The following ZCCHC14 variants were observed in gnomAD, a reference collection of about 807,000 sequenced individuals.
ZCCHC14 encodes the protein zinc finger CCHC-type containing 14, also known as zinc finger CCHC domain-containing protein 14.
ZCCHC14 carries 16 observed loss-of-function variants against 85.0 expected under a neutral mutation model. The observed-to-expected ratio is 0.19, with a 90% CI of 0.13 to 0.29. ZCCHC14 has a LOEUF of 0.29. Among genes scored for constraint, ZCCHC14 ranks in the 10% least tolerant of loss-of-function variants. The pLI is 1.00. For missense variants in ZCCHC14, 1,303 were observed against 1,443.5 expected (o/e 0.90, Z 1.58); for synonymous variants, 775 against 630.7 (o/e 1.23, Z -3.43).
chr16:87,416,275 G>A (rs999496330), intron 8 of ZCCHC14, among the ~76,000 whole-genome samples: 9 of 152,198 alleles, frequency 5.9e-5, no homozygotes, highest in African/African-American at 1.9e-4. Flanking sequence ...AAAAGCAGAT[G>A]CCATCCACGC....
intron 1 of ZCCHC14, among the ~76,000 whole-genome samples, chr16:87,487,101 T>C (rs1912544185): frequency 6.6e-6 from 1 of 152,242 alleles, no homozygotes; most frequent in South Asian, 2.1e-4. Flanking sequence ...AAGCTGTTGC[T>C]GATCTTTGGA....
chr16:87,433,696 T>C (rs1381274161), intron 2 of ZCCHC14, among the ~76,000 whole-genome samples: 2 of 152,050 alleles, frequency 1.3e-5, no homozygotes, highest in African/African-American at 4.8e-5. Flanking sequence ...AGACGGAGTC[T>C]CACTCTGTCT....
intron 3 of ZCCHC14, among the ~76,000 whole-genome samples, chr16:87,427,431 C>G (rs755767973): frequency 1.3e-5 from 2 of 152,168 alleles, no homozygotes; most frequent in Non-Finnish European, 2.9e-5. Flanking sequence ...CTTTTTGAGA[C>G]AGAGTTTTGC....
intron 9 of ZCCHC14, among the ~76,000 whole-genome samples, chr16:87,414,908 C>T (rs561824287): frequency 6.6e-5 from 10 of 152,166 alleles, no homozygotes; most frequent in Admixed American, 5.9e-4. Flanking sequence ...TGGTAAAACC[C>T]GGTCTCTTCT....
chr16:87,452,244 G>A (rs1023791378), intron 2 of ZCCHC14, among the ~76,000 whole-genome samples: 3 of 152,244 alleles, frequency 2.0e-5, no homozygotes, highest in Admixed American at 2.0e-4. Context: ...TACAGGTTTC[G>A]CTCTAAGCAC....
chr16:87,431,452 G>T (rs1172339986), intron 3 of ZCCHC14, among the ~76,000 whole-genome samples: 2 of 140,456 alleles, frequency 1.4e-5, no homozygotes, highest in Admixed American at 7.5e-5. Context: ...CAGCCTGGGC[G>T]ACAGAGCAAG....
At chr16:87,480,157 G>A (rs1276785436) in intron 1 of ZCCHC14, among the ~76,000 whole-genome samples, 16 of 152,058 alleles carry the variant, frequency 1.1e-4, no homozygotes, top group Admixed American at 3.3e-4. Context: ...TAATCCCAGC[G>A]CTTTGGGAGG....
In ZCCHC14 at chr16:87,477,120, C is replaced by CAAAAAAA. The variant is rs769416913; in HGVS notation, c.570+14542_570+14548dup. Reference sequence around the variant, plus strand: ...AGCCTGACAGAGAGAGACTCAGTCTCAAAAAAAAAAAAAAAAAAAAACAAA... The same window carrying CAAAAAAA: ...AGCCTGACAGAGAGAGACTCAGTCTCAAAAAAAAAAAAAAAAAAAAAAAAAAAACAAA... On this transcript the variant is annotated intron_variant, in intron 1 of 12. Coordinates refer to ENST00000671377, the MANE Select transcript of ZCCHC14 (RefSeq NM_015144.3). Among the ~76,000 whole-genome samples the CAAAAAAA allele has an allele frequency of 2.3e-3, 92 of 40,528 alleles. 6 individuals carry two copies. Among genetic ancestry groups the CAAAAAAA allele is most frequent in the African/African-American group, 0.011 (79 of 6,972 alleles). 26.6% of individuals were successfully genotyped at this position (40,528 alleles called of 152,430 possible).
At chr16:87,485,279 G>A (rs751948536) in intron 1 of ZCCHC14, among the ~76,000 whole-genome samples, 4 of 152,184 alleles carry the variant, frequency 2.6e-5, no homozygotes, top group South Asian at 2.1e-4. Flanking sequence ...CTCACTTTAA[G>A]TAGCTTCAGG....
At chr16:87,435,473 TG>T (rs1909877150) in intron 2 of ZCCHC14, among the ~76,000 whole-genome samples, 2 of 152,250 alleles carry the variant, frequency 1.3e-5, no homozygotes, top group African/African-American at 4.8e-5. Context: ...CGTGATACCA[TG>T]GCTGAGGAGC....
intron 2 of ZCCHC14, among the ~76,000 whole-genome samples, chr16:87,438,503 T>C (rs1910038096): frequency 6.6e-6 from 1 of 152,220 alleles, no homozygotes; most frequent in Non-Finnish European, 1.5e-5. Context: ...GGAGACGGAA[T>C]GATGCCTCCC....
rs375344680 is a variant in ZCCHC14 at position 87,413,080 on chromosome 16, G to C, written c.1719C>G (p.Ser573=). Residue 573 remains serine (S), a synonymous_variant, in exon 11 of 13, where the codon TCC becomes TCG. Coordinates refer to ENST00000671377, the MANE Select transcript of ZCCHC14 (RefSeq NM_015144.3). ...GTCTGTCATTCTCCTCAGCGCTGTC[G>C]GAGCTCTCTTCCCGGGCCTGTACCC... ...PMGVQAREES[S]DSAEENDRRV... 1.2e-6 allele frequency: 2 copies of C among 1,614,108 alleles called. No homozygotes were observed. Among genetic ancestry groups the C allele is most frequent in the Non-Finnish European group, 1.7e-6 (2 of 1,180,012 alleles).
chr16:87,484,844 C>G (rs1379621053), intron 1 of ZCCHC14, among the ~76,000 whole-genome samples: 1 of 152,040 alleles, frequency 6.6e-6, no homozygotes, highest in Non-Finnish European at 1.5e-5. Context: ...GTTTATGGGT[C>G]AGGTGGGCAA....
chr16:87,429,320 C>A (rs892404620), intron 3 of ZCCHC14, among the ~76,000 whole-genome samples: 1 of 152,156 alleles, frequency 6.6e-6, no homozygotes, highest in South Asian at 2.1e-4. Context: ...TTATGTGCCA[C>A]CCATGTATCT....
At chr16:87,446,591 T>C (rs1353531150) in intron 2 of ZCCHC14, among the ~76,000 whole-genome samples, 1 of 152,000 alleles carries the variant, frequency 6.6e-6, no homozygotes, top group Admixed American at 6.6e-5. Context: ...TGAATCAGAG[T>C]GTCAGTGGAA....
chr16:87,411,267 G>A, intron 12 of ZCCHC14: 1 of 1,082,208 alleles, frequency 9.2e-7, no homozygotes, highest in Admixed American at 2.9e-5. Flanking sequence ...GTCCAGGGAG[G>A]CCCTGTCCAC....
intron 12 of ZCCHC14, among the ~76,000 whole-genome samples, chr16:87,411,105 G>A (rs766957249): frequency 4.6e-5 from 7 of 152,230 alleles, no homozygotes; most frequent in Non-Finnish European, 8.8e-5. Flanking sequence ...ACCCACAGCC[G>A]CGCCGGCAGG....
intron 1 of ZCCHC14, among the ~76,000 whole-genome samples, chr16:87,489,633 G>A (rs1211303037): frequency 2.0e-5 from 3 of 152,222 alleles, no homozygotes; most frequent in African/African-American, 4.8e-5. Context: ...TCCTGGCCAA[G>A]GTTGCACGGC....
At chr16:87,431,613 C>G (rs560173356) in intron 3 of ZCCHC14, among the ~76,000 whole-genome samples, 1 of 152,228 alleles carries the variant, frequency 6.6e-6, no homozygotes, top group Non-Finnish European at 1.5e-5. Flanking sequence ...ACTAACTGGA[C>G]TAAGGATTGG....
Sources: allele counts gnomAD v4.1 joint callset (sites outside exome capture counted in the v4.1 genomes callset), GRCh38; gene constraint gnomAD v4.1.1; transcripts MANE v1.5; gene names NCBI Gene and HGNC (gene_info 2026-07-23, HGNC 2026-07-21).